CPEB3: variants seen among roughly 807,000 people sequenced by gnomAD.
CPEB3 encodes the protein cytoplasmic polyadenylation element-binding protein 3.
Under a neutral mutation model 67.2 loss-of-function variants are expected in CPEB3, and 20 were observed. That is an observed-to-expected ratio of 0.30 (90% CI 0.21 to 0.43). The LOEUF is 0.43. Among genes scored for constraint, CPEB3 ranks in the 20% least tolerant of loss-of-function variants. The pLI is 1.00. For missense variants in CPEB3, 746 were observed against 968.6 expected (o/e 0.77, Z 3.05); for synonymous variants, 376 against 393.1 (o/e 0.96, Z 0.51).
chr10:92,287,915 AGTC>A (rs1200744556), intron 1 of CPEB3, among the ~76,000 whole-genome samples: 1 of 152,120 alleles, frequency 6.6e-6, no homozygotes, highest in Non-Finnish European at 1.5e-5. Context: ...TGCAATCACT[AGTC>A]TACTTTCCGT....
intron 2 of CPEB3, among the ~76,000 whole-genome samples, chr10:92,203,444 A>ATATATACGTATATATGTATATG (rs1564863125): frequency 1.7e-5 from 2 of 118,502 alleles, no homozygotes; most frequent in African/African-American, 1.5e-4. Flanking sequence ...ATGTATATGT[A>ATATATACGTATATATGTATATG]TATATATACG....
At chr10:92,280,015 A>AAGAAAGAAAGAG (rs1218732875) in intron 1 of CPEB3, among the ~76,000 whole-genome samples, 1 of 151,972 alleles carries the variant, frequency 6.6e-6, no homozygotes. Flanking sequence ...GGTCTCAAAA[A>AAGAAAGAAAGAG]AGAAAGAAAG....
chr10:92,053,658 T>C (rs1221843821), intron 9 of CPEB3, among the ~76,000 whole-genome samples: 182 of 151,874 alleles, frequency 1.2e-3, no homozygotes, highest in Middle Eastern at 3.4e-3. Context: ...TCTCCTGCCT[T>C]AGCCTCCTGA....
rs188792298 is a variant in CPEB3, at chr10:92,053,150, T to C, written c.1870-711A>G. On this transcript the variant is annotated intron_variant, in intron 9 of 9. Transcript: ENST00000265997. ...TATAATAATTGGGGCTTTTTTATTT[T>C]TGGAACTTTCTCTGTTGACTTAATC... is the stretch of plus-strand genomic sequence containing the variant. 2.4e-4 allele frequency among the ~76,000 whole-genome samples: 37 copies of C among 152,294 alleles called. No homozygotes were observed. In the East Asian group the frequency reaches 4.6e-3, roughly 19 times the overall value.
intron 1 of CPEB3, among the ~76,000 whole-genome samples, chr10:92,285,491 G>A (rs916460386): frequency 1.3e-5 from 2 of 152,172 alleles, no homozygotes; most frequent in South Asian, 2.1e-4. Context: ...GGCTGGTCTC[G>A]AACTCCTGAC....
intron 1 of CPEB3, among the ~76,000 whole-genome samples, chr10:92,287,808 A>G (rs1842602521): frequency 6.6e-6 from 1 of 152,168 alleles, no homozygotes; most frequent in Non-Finnish European, 1.5e-5. Context: ...TATAACCAGA[A>G]CCATTATCTA....
intron 1 of CPEB3, among the ~76,000 whole-genome samples, chr10:92,264,966 G>C (rs1564919046): frequency 6.6e-6 from 1 of 152,020 alleles, no homozygotes; most frequent in South Asian, 2.1e-4. Flanking sequence ...AGGAGTTTGA[G>C]ACCAGCCTGG....
chr10:92,227,584 A>G (rs963843017), intron 2 of CPEB3, among the ~76,000 whole-genome samples: 3 of 150,774 alleles, frequency 2.0e-5, no homozygotes, highest in Admixed American at 2.0e-4. Flanking sequence ...TTATTTACTT[A>G]TTTTATTTTT....
intron 1 of CPEB3, among the ~76,000 whole-genome samples, chr10:92,264,828 G>A (rs370962146): frequency 1.5e-4 from 23 of 152,036 alleles, no homozygotes. Context: ...GAGGCAGGAC[G>A]ACGATCACTG....
chr10:92,289,433 T>A (rs977281397), intron 1 of CPEB3, among the ~76,000 whole-genome samples: 4 of 151,406 alleles, frequency 2.6e-5, no homozygotes, highest in African/African-American at 4.9e-5. Flanking sequence ...CCCAGCTACT[T>A]GGGAAGCTGA....
chr10:92,236,615 G>T (rs1851545738), intron 2 of CPEB3, among the ~76,000 whole-genome samples: 1 of 152,128 alleles, frequency 6.6e-6, no homozygotes, highest in Non-Finnish European at 1.5e-5. Context: ...CGGGCGTGGT[G>T]GCGGACGCCT....
rs60532899 is a variant in CPEB3, at chr10:92,263,076, A to C, written c.-11-22715T>G. ...TGAGCCATAGCACTCGGCCGAAAGC[A>C]TTTTTTTGTTGTTGTTGGAGACAGT... On this transcript the variant is annotated intron_variant, in intron 1 of 9. Coordinates refer to ENST00000265997, the MANE Select transcript of CPEB3 (RefSeq NM_014912.5). 2.8e-3 allele frequency among the ~76,000 whole-genome samples: 433 copies of C among 152,108 alleles called. 3 individuals carry two copies. Among genetic ancestry groups the C allele is most frequent in the African/African-American group, 1.0e-2 (415 of 41,512 alleles).
chr10:92,245,819 C>T (rs967562358), intron 1 of CPEB3, among the ~76,000 whole-genome samples: 3 of 149,510 alleles, frequency 2.0e-5, no homozygotes, highest in Non-Finnish European at 3.0e-5. Context: ...GCTGGATCAC[C>T]TGAGTTCAGG....
rs779729521 is a variant in CPEB3 at position 92,052,176 on chromosome 10, T to C, written c.*36A>G. ...TGCCCTCTCTTTTCCCTCCTTGTTA[T>C]CTACTCCAGTACTTGTGGCTGGGTC... On this transcript the variant is annotated 3_prime_UTR_variant, in exon 10 of 10. Transcript: ENST00000265997. 2 of 1,454,380 alleles carry C rather than the reference T, an allele frequency of 1.4e-6. No homozygotes were observed. The allele number at this position is 1,454,380 out of a possible 1,614,324, so 90.1% of individuals were successfully genotyped here.
chr10:92,182,209 G>A (rs932820), intron 3 of CPEB3, among the ~76,000 whole-genome samples: 49,263 of 152,086 alleles, frequency 0.32, 8,376 homozygotes, highest in Admixed American at 0.44. Context: ...AGTATTTTGC[G>A]GAGAAAGTAT....
intron 2 of CPEB3, among the ~76,000 whole-genome samples, chr10:92,228,643 A>G (rs1035573215): frequency 1.3e-5 from 2 of 151,864 alleles, no homozygotes; most frequent in African/African-American, 2.4e-5. Context: ...CTAATCTCAC[A>G]TGCCTGGAAT....
chr10:92,117,021 A>AT (rs1166822778), intron 6 of CPEB3, among the ~76,000 whole-genome samples: 3 of 151,904 alleles, frequency 2.0e-5, no homozygotes, highest in African/African-American at 7.3e-5. Context: ...TAATTAAAAT[A>AT]TTTTTTTCTT....
intron 2 of CPEB3, among the ~76,000 whole-genome samples, chr10:92,208,054 C>T (rs1289509053): frequency 6.6e-6 from 1 of 152,104 alleles, no homozygotes; most frequent in Non-Finnish European, 1.5e-5. Flanking sequence ...CTAAGCAAGG[C>T]TCAAAAGAAC....
At chr10:92,093,801 C>G (rs1843726857) in intron 7 of CPEB3, among the ~76,000 whole-genome samples, 1 of 152,068 alleles carries the variant, frequency 6.6e-6, no homozygotes, top group African/African-American at 2.4e-5. Flanking sequence ...CGCGCCTGGC[C>G]AGTCTATACA....
Sources: gnomAD v4.1 joint callset for allele counts (sites outside exome capture counted in the v4.1 genomes callset) on GRCh38, gnomAD v4.1.1 for gene constraint, MANE v1.5 for transcripts, NCBI Gene and HGNC (gene_info 2026-07-23, HGNC 2026-07-21) for gene names.